Variants in EYS observed in about 807,000 individuals in gnomAD.
The protein encoded by EYS is EGF-like photoreceptor maintenance factor.
A neutral mutation model predicts 282.1 loss-of-function variants in EYS; 250 were observed. The observed-to-expected ratio is 0.89, with a 90% CI of 0.80 to 0.98. The LOEUF (loss-of-function observed/expected upper bound fraction) is 0.98. EYS is among the 50% of genes least tolerant of loss of function. EYS has a pLI of 0.00. For synonymous variants in EYS, 1,355 were observed against 1,282.9 expected, an observed-to-expected ratio of 1.06 and a Z score of -1.20; for missense variants, 4,016 against 3,709.0, an observed-to-expected ratio of 1.08 and a Z score of -2.15.
chr6:63,981,037 T>G (rs981851506), intron 35 of EYS, among the ~76,000 whole-genome samples: 7 of 151,888 alleles, frequency 4.6e-5, no homozygotes, highest in African/African-American at 1.7e-4. Context: ...CTGCTCCGTG[T>G]ATGCCAAGTG....
At position 65,114,000 on chromosome 6, in the gene EYS, C is replaced by T. The variant is rs184931526; in HGVS notation, c.2024-56273G>A. ...AGAAATCAGCATGAAAATCTTTGGTCTCCTACATAGAACTGACCTTATTTG... is the reference window on the plus strand; with the variant it reads ...AGAAATCAGCATGAAAATCTTTGGTTTCCTACATAGAACTGACCTTATTTG... On this transcript the variant is annotated intron_variant, in intron 12 of 42. Coordinates refer to ENST00000503581, the MANE Select transcript of EYS (RefSeq NM_001142800.2). 5.1e-4 allele frequency among the ~76,000 whole-genome samples: 77 copies of T among 152,098 alleles called. 1 individual carries two copies. Among genetic ancestry groups the T allele is most frequent in the African/African-American group, 1.7e-3 (70 of 41,560 alleles).
intron 12 of EYS, among the ~76,000 whole-genome samples, chr6:65,109,755 A>G (rs1289856663): frequency 6.6e-6 from 1 of 152,074 alleles, no homozygotes; most frequent in Non-Finnish European, 1.5e-5. Context: ...CCACAGTGAC[A>G]GTAATTTACT....
At chr6:64,092,285 T>G (rs112552978) in intron 31 of EYS, among the ~76,000 whole-genome samples, 4,654 of 152,296 alleles carry the variant, frequency 0.031, 121 homozygotes, top group Middle Eastern at 0.055. Flanking sequence ...GATGGGTGGG[T>G]CAAATGGTAA....
chr6:65,655,721 G>A (rs565803910), intron 1 of EYS, among the ~76,000 whole-genome samples: 66 of 151,906 alleles, frequency 4.3e-4, no homozygotes, highest in African/African-American at 1.4e-3. Context: ...AGATGTGACT[G>A]AATTGCTGCA....
intron 15 of EYS, among the ~76,000 whole-genome samples, chr6:64,916,942 C>T (rs1768184856): frequency 6.6e-6 from 1 of 152,160 alleles, no homozygotes; most frequent in South Asian, 2.1e-4. Context: ...TAGTTATCAT[C>T]GTTAAAAAGT....
chr6:65,295,996 G>A lies in EYS; in HGVS notation c.1890C>T (p.Ser630=), dbSNP rs904080713. 16 of 1,551,022 alleles carry A rather than the reference G, an allele frequency of 1.0e-5. No homozygotes were observed. In the African/African-American group the frequency reaches 1.9e-4, roughly 19 times the overall value. ...TGTTCCTTTCATATCTTTGCAGACC[G>A]CTACAGTTACAATTGTGCGAAAGGG... is the stretch of plus-strand genomic sequence containing the variant. ...CLALSHNCNC[S]GLQRYERNIC... Residue 630 remains serine, a synonymous_variant, in exon 12 of 43, where the codon AGC becomes AGT. Transcript: ENST00000503581.
At chr6:63,909,106 T>C (rs1490720920) in intron 35 of EYS, among the ~76,000 whole-genome samples, 2 of 152,160 alleles carry the variant, frequency 1.3e-5, no homozygotes. Flanking sequence ...AGGGGATGCA[T>C]ATGCGAAGAT....
intron 37 of EYS, among the ~76,000 whole-genome samples, chr6:63,802,339 C>T (rs1562033181): frequency 1.3e-5 from 2 of 151,920 alleles, no homozygotes; most frequent in Non-Finnish European, 2.9e-5. Context: ...GGACAAATAC[C>T]TAATGCATGC....
chr6:63,736,129 C>T lies in EYS; in HGVS notation c.8072-9449G>A, dbSNP rs185872033. ...TCAATTTTGGCTTTTGTTGCCATTG[C>T]TTTTGGTGTTTTAGACGTGAAGTCC... On this transcript the variant is annotated intron_variant, in intron 41 of 42. Transcript: ENST00000503581. Among the ~76,000 whole-genome samples the T allele has an allele frequency of 2.4e-3, 358 of 152,214 alleles. 2 individuals carry two copies. The highest frequency in any genetic ancestry group is 8.2e-3 in the African/African-American group (341 of 41,534).
intron 12 of EYS, among the ~76,000 whole-genome samples, chr6:65,212,218 C>T (rs1176214635): frequency 1.3e-5 from 2 of 151,430 alleles, no homozygotes; most frequent in Non-Finnish European, 2.9e-5. Context: ...AATTTGAGTA[C>T]TATACAAGAA....
chr6:65,436,996 G>A (rs1243444142), intron 5 of EYS, among the ~76,000 whole-genome samples: 4 of 152,126 alleles, frequency 2.6e-5, no homozygotes, highest in Non-Finnish European at 5.9e-5. Context: ...GGTATGTAAA[G>A]TAAAAATTAG....
chr6:65,182,485 A>G (rs978829079), intron 12 of EYS, among the ~76,000 whole-genome samples: 22 of 151,748 alleles, frequency 1.4e-4, no homozygotes, highest in African/African-American at 5.3e-4. Flanking sequence ...ATTTCTCCAA[A>G]TACTTGATGT....
At chr6:65,624,090 T>C (rs1374013591) in intron 2 of EYS, among the ~76,000 whole-genome samples, 1 of 152,196 alleles carries the variant, frequency 6.6e-6, no homozygotes, top group Non-Finnish European at 1.5e-5. Flanking sequence ...ATATCTCATA[T>C]TACAGTTCAA....
intron 26 of EYS, among the ~76,000 whole-genome samples, chr6:64,522,346 T>C (rs1777770875): frequency 1.3e-5 from 2 of 151,744 alleles, no homozygotes; most frequent in South Asian, 2.1e-4. Context: ...GAATAAGCCA[T>C]ACCAAGTTCT....
intron 11 of EYS, among the ~76,000 whole-genome samples, chr6:65,301,622 A>G (rs1768830952): frequency 6.6e-6 from 1 of 152,244 alleles, no homozygotes; most frequent in Non-Finnish European, 1.5e-5. Flanking sequence ...CTCAAACTCC[A>G]CATACAGAAA....
chr6:65,649,225 T>A (rs1018022201), intron 1 of EYS, among the ~76,000 whole-genome samples: 18 of 152,122 alleles, frequency 1.2e-4, no homozygotes, highest in Non-Finnish European at 1.8e-4. Context: ...TTTCTATGAT[T>A]TCCTTTATTC....
At chr6:65,419,959 C>G (rs892561327) in intron 5 of EYS, among the ~76,000 whole-genome samples, 1 of 151,966 alleles carries the variant, frequency 6.6e-6, no homozygotes, top group African/African-American at 2.4e-5. Flanking sequence ...AATGTACATG[C>G]CTTAATTTGC....
intron 2 of EYS, among the ~76,000 whole-genome samples, chr6:65,604,487 C>A (rs1377143008): frequency 1.3e-5 from 2 of 151,876 alleles, no homozygotes; most frequent in Non-Finnish European, 2.9e-5. Flanking sequence ...CCATGAAATA[C>A]AAACTATCCA....
intron 22 of EYS, among the ~76,000 whole-genome samples, chr6:64,732,328 A>T (rs558808854): frequency 6.6e-6 from 1 of 151,944 alleles, no homozygotes; most frequent in Non-Finnish European, 1.5e-5. Flanking sequence ...AAAAGATGTT[A>T]TTACCTCCTG....
Sources: allele counts gnomAD v4.1 joint callset (sites outside exome capture counted in the v4.1 genomes callset), GRCh38; gene constraint gnomAD v4.1.1; transcripts MANE v1.5; gene names NCBI Gene and HGNC (gene_info 2026-07-23, HGNC 2026-07-21).